DPYS: variants seen among roughly 807,000 people sequenced by gnomAD.
DPYS encodes the protein dihydropyrimidine amidohydrolase.
DPYS carries 39 observed loss-of-function variants against 50.3 expected under a neutral mutation model. The observed-to-expected ratio is 0.78, with a 90% CI of 0.60 to 1.01. The LOEUF is 1.01. Ranked by LOEUF, DPYS falls within the 50% of genes least tolerant of loss-of-function variation. DPYS has a pLI of 0.00. For synonymous variants in DPYS, 245 were observed against 250.7 expected (o/e 0.98, Z 0.22); for missense variants, 659 against 680.9 (o/e 0.97, Z 0.36).
intron 4 of DPYS, among the ~76,000 whole-genome samples, chr8:104,431,623 T>A (rs906669784): frequency 3.9e-5 from 6 of 152,204 alleles, no homozygotes; most frequent in African/African-American, 1.4e-4. Context: ...TAATTCAGCA[T>A]AATTATGGGT....
intron 8 of DPYS, among the ~76,000 whole-genome samples, chr8:104,390,574 T>A (rs1197905658): frequency 6.6e-6 from 1 of 151,848 alleles, no homozygotes; most frequent in Non-Finnish European, 1.5e-5. Flanking sequence ...CTTGGCTCAC[T>A]GCAACCTCCA....
At chr8:104,431,554 A>G (rs1453454527) in intron 4 of DPYS, among the ~76,000 whole-genome samples, 1 of 152,086 alleles carries the variant, frequency 6.6e-6, no homozygotes, top group Admixed American at 6.6e-5. Context: ...TGCAAGAACT[A>G]AAAAGGGGAA....
At chr8:104,396,521 A>G (rs1811591206) in intron 7 of DPYS, among the ~76,000 whole-genome samples, 1 of 152,238 alleles carries the variant, frequency 6.6e-6, no homozygotes, top group Non-Finnish European at 1.5e-5. Flanking sequence ...ATAGAATATT[A>G]GGCATTTATG....
chr8:104,463,530 A>G (rs528156696), intron 1 of DPYS, among the ~76,000 whole-genome samples: 1 of 152,324 alleles, frequency 6.6e-6, no homozygotes, highest in Admixed American at 6.5e-5. Context: ...AGGCAGTACT[A>G]AATTTGAAGA....
intron 8 of DPYS, among the ~76,000 whole-genome samples, chr8:104,384,564 T>C (rs2853151): frequency 0.93 from 140,859 of 152,270 alleles, 65,554 homozygotes; most frequent in Middle Eastern, 0.99. Flanking sequence ...TCTCTAATGA[T>C]GATGGCAAAC....
chr8:104,449,870 A>T (rs1813670958), intron 2 of DPYS, among the ~76,000 whole-genome samples: 1 of 152,174 alleles, frequency 6.6e-6, no homozygotes, highest in African/African-American at 2.4e-5. Flanking sequence ...TCTGGCCTCC[A>T]CAACTGTGAG....
chr8:104,426,497 A>C (rs1312939102), intron 6 of DPYS, among the ~76,000 whole-genome samples: 2 of 152,218 alleles, frequency 1.3e-5, no homozygotes, highest in Admixed American at 1.3e-4. Flanking sequence ...AGCAACGAAG[A>C]AAGAAATAAG....
intron 7 of DPYS, chr8:104,419,912 T>G (rs997532629): frequency 1.3e-5 from 2 of 152,242 alleles, no homozygotes; most frequent in Admixed American, 6.5e-5. Context: ...GATCATTAAT[T>G]GTGACAAGTG....
chr8:104,449,235 A>G (rs1813645339), intron 2 of DPYS, among the ~76,000 whole-genome samples: 1 of 152,214 alleles, frequency 6.6e-6, no homozygotes, highest in African/African-American at 2.4e-5. Flanking sequence ...TCAGAAAAAA[A>G]AATGCTTGAA....
At chr8:104,422,763 G>T (rs138228695) in intron 7 of DPYS, among the ~76,000 whole-genome samples, 1 of 152,258 alleles carries the variant, frequency 6.6e-6, no homozygotes, top group Non-Finnish European at 1.5e-5. Context: ...ATTTCAAAAG[G>T]TCTGCCTGGT....
intron 1 of DPYS, among the ~76,000 whole-genome samples, chr8:104,453,424 A>T (rs1419623566): frequency 6.6e-6 from 1 of 152,248 alleles, no homozygotes; most frequent in Non-Finnish European, 1.5e-5. Context: ...TCCCTTGAGG[A>T]TGAAGGACAT....
chr8:104,419,025 C>G (rs1237554725), intron 7 of DPYS: 1 of 985,332 alleles, frequency 1.0e-6, no homozygotes, highest in Non-Finnish European at 1.2e-6. Flanking sequence ...TCTCTAAGAG[C>G]TCTGCTTAAC....
At chr8:104,411,253 T>C (rs866897534) in intron 7 of DPYS, among the ~76,000 whole-genome samples, 16 of 152,370 alleles carry the variant, frequency 1.1e-4, no homozygotes, top group South Asian at 1.0e-3. Flanking sequence ...GCAATCAATA[T>C]ATGTTTTCAG....
At position 104,444,371 on chromosome 8, in the gene DPYS, C is replaced by T; in HGVS notation, c.670G>A (p.Ala224Thr). ...CTCAGCGTGGCCTCTGCCTCCACTG[C>T]CTCTGGGCGGCACAGCTCGTGGCCC... The part of the protein sequence containing the change: ...PEGHELCRPE[A>T]VEAEATLRAI... The change falls in exon 4 of 10, where the codon GCA (alanine) becomes ACA (threonine). Residue 224 changes from alanine to threonine, a missense_variant. Ala to Thr is a moderately conservative substitution (Grantham distance 58). Coordinates refer to ENST00000351513, the MANE Select transcript of DPYS (RefSeq NM_001385.3). 6.2e-7 allele frequency: 1 copy of T among 1,614,272 alleles called. No individual in the cohort carries two copies. Among genetic ancestry groups the T allele is most frequent in the Non-Finnish European group, 8.5e-7 (1 of 1,180,054 alleles).
At chr8:104,409,092 G>A (rs182327799) in intron 7 of DPYS, among the ~76,000 whole-genome samples, 503 of 151,526 alleles carry the variant, frequency 3.3e-3, no homozygotes, top group African/African-American at 0.011. Flanking sequence ...CACTGTGCCC[G>A]GCCACACATG....
intron 4 of DPYS, among the ~76,000 whole-genome samples, chr8:104,441,575 A>C (rs947527998): frequency 2.0e-5 from 3 of 152,208 alleles, no homozygotes; most frequent in African/African-American, 4.8e-5. Context: ...ATCTCAACCC[A>C]TTGTGGCTGG....
At chr8:104,399,569 T>G (rs73699424) in intron 7 of DPYS, among the ~76,000 whole-genome samples, 9,718 of 151,782 alleles carry the variant, frequency 0.064, 374 homozygotes, top group African/African-American at 0.094. Flanking sequence ...AGTTTTTCTT[T>G]AAGAAACTAC....
chr8:104,424,386 T>C lies in DPYS; in HGVS notation c.1096A>G (p.Ser366Gly), dbSNP rs1812650410. ...MSVIWEKGVH[S>G]GKMDENRFVA... The stretch of plus-strand genomic sequence containing the variant: ...AATCTGTTTTCATCCATTTTACCAC[T>C]ATGCTGTAAAGCAATTCAAAGAATC... The change falls in exon 7 of 10, where the codon AGT (serine) becomes GGT (glycine). Residue 366 changes from serine to glycine, a missense_variant. Coordinates refer to ENST00000351513, the MANE Select transcript of DPYS (RefSeq NM_001385.3). 10 of 1,613,706 alleles carry C rather than the reference T, an allele frequency of 6.2e-6. No individual in the cohort carries two copies. Among genetic ancestry groups the C allele is most frequent in the Non-Finnish European group, 8.5e-6 (10 of 1,179,970 alleles).
chr8:104,452,036 G>T (rs1226500129), intron 1 of DPYS, among the ~76,000 whole-genome samples: 1 of 152,084 alleles, frequency 6.6e-6, no homozygotes, highest in African/African-American at 2.4e-5. Context: ...TCATTGCAAC[G>T]AGAGAGATAT....
Sources: gnomAD v4.1 joint callset for allele counts (sites outside exome capture counted in the v4.1 genomes callset) on GRCh38, gnomAD v4.1.1 for gene constraint, MANE v1.5 for transcripts, NCBI Gene and HGNC (gene_info 2026-07-23, HGNC 2026-07-21) for gene names.